Variants in ERP44 observed in about 807,000 individuals in gnomAD.
The protein encoded by ERP44 is endoplasmic reticulum protein 44.
In ERP44, 25 loss-of-function variants were observed where a neutral mutation model predicts 53.4. The observed-to-expected ratio is 0.47, with a 90% CI of 0.34 to 0.65. ERP44 has a LOEUF of 0.65. ERP44 is among the 30% of genes least tolerant of loss of function. The pLI is 0.01. For synonymous variants in ERP44, 145 were observed against 161.2 expected (o/e 0.90, Z 0.76); for missense variants, 338 against 493.2 (o/e 0.69, Z 2.98).
chr9:100,032,894 G>T lies in ERP44; in HGVS notation c.287-10668C>A, dbSNP rs1313860750. 2.0e-5 allele frequency among the ~76,000 whole-genome samples: 3 copies of T among 152,208 alleles called. No individual in the cohort carries two copies. The East Asian group carries it at 5.8e-4, about 29-fold the overall frequency. On this transcript the variant is annotated intron_variant, in intron 4 of 11. Coordinates refer to ENST00000262455, the MANE Select transcript of ERP44 (RefSeq NM_015051.3). ...GAGCTGAAATGTTCGTGACTATTAA[G>T]CAAGACAGGTATTAACCACATGGAC...
intron 1 of ERP44, among the ~76,000 whole-genome samples, chr9:100,081,822 C>A (rs1250936387): frequency 6.6e-6 from 1 of 151,996 alleles, no homozygotes. Context: ...CAAGACAAAG[C>A]AATTAGGAAA....
chr9:100,091,376 T>C (rs1310811552), intron 1 of ERP44, among the ~76,000 whole-genome samples: 1 of 152,184 alleles, frequency 6.6e-6, no homozygotes, highest in African/African-American at 2.4e-5. Flanking sequence ...CCCTCTTGAA[T>C]GGACTAATCT....
chr9:100,082,411 A>G (rs1826437019), intron 1 of ERP44, among the ~76,000 whole-genome samples: 1 of 151,608 alleles, frequency 6.6e-6, no homozygotes, highest in South Asian at 2.1e-4. Context: ...TATATGCAGA[A>G]AAAAGGAACT....
At chr9:100,063,870 G>A (rs910750669) in intron 1 of ERP44, among the ~76,000 whole-genome samples, 3 of 152,128 alleles carry the variant, frequency 2.0e-5, no homozygotes, top group African/African-American at 7.2e-5. Flanking sequence ...ACTCCTCCAT[G>A]CATTTACTGT....
chr9:100,095,259 A>G (rs1014213149), intron 1 of ERP44, among the ~76,000 whole-genome samples: 5 of 152,304 alleles, frequency 3.3e-5, no homozygotes, highest in African/African-American at 9.6e-5. Context: ...CCCCACAAGG[A>G]TGCAATCAGC....
Position 100,067,523 on chromosome 9 carries a change from C to T in ERP44, c.58-7351G>A, listed in dbSNP as rs1396858877. On this transcript the variant is annotated intron_variant, in intron 1 of 11. Coordinates refer to ENST00000262455, the MANE Select transcript of ERP44 (RefSeq NM_015051.3). ...TGGTGCCCAGGCTGGAGTGCAGTGG[C>T]GTGATCTCGGCTCGCCACAACCTCC... 2.0e-5 allele frequency among the ~76,000 whole-genome samples: 3 copies of T among 152,194 alleles called. No homozygotes were observed. The South Asian group carries it at 6.2e-4, about 31-fold the overall frequency.
chr9:100,076,580 T>G (rs576565729), intron 1 of ERP44, among the ~76,000 whole-genome samples: 1 of 152,356 alleles, frequency 6.6e-6, no homozygotes, highest in East Asian at 1.9e-4. Context: ...TACCTGGCTG[T>G]GCACTTTGCA....
intron 1 of ERP44, among the ~76,000 whole-genome samples, chr9:100,064,741 C>T (rs1826191354): frequency 6.6e-6 from 1 of 152,152 alleles, no homozygotes; most frequent in Non-Finnish European, 1.5e-5. Flanking sequence ...TTCCTGGAGC[C>T]TCTTGATGTC....
chr9:100,048,937 G>C (rs141929210), intron 4 of ERP44, among the ~76,000 whole-genome samples: 5 of 152,220 alleles, frequency 3.3e-5, no homozygotes, highest in East Asian at 3.9e-4. Context: ...CTGGAGACTG[G>C]TTGCACAACA....
chr9:100,017,838 A>G (rs1830540184), intron 7 of ERP44, among the ~76,000 whole-genome samples: 1 of 152,200 alleles, frequency 6.6e-6, no homozygotes, highest in South Asian at 2.1e-4. Flanking sequence ...GCTCCTTATT[A>G]TCTGGCAGGT....
intron 1 of ERP44, among the ~76,000 whole-genome samples, chr9:100,093,400 T>C (rs1217420669): frequency 6.6e-6 from 1 of 152,162 alleles, no homozygotes; most frequent in African/African-American, 2.4e-5. Flanking sequence ...TACCAGAACT[T>C]TGGGAGGCCA....
At chr9:100,012,717 A>G (rs1830487823) in intron 8 of ERP44, among the ~76,000 whole-genome samples, 1 of 152,224 alleles carries the variant, frequency 6.6e-6, no homozygotes, top group Non-Finnish European at 1.5e-5. Flanking sequence ...AGGTAAAAAA[A>G]AGTCTTTTAA....
chr9:100,011,137 T>G (rs778431105), intron 8 of ERP44, among the ~76,000 whole-genome samples: 3 of 152,148 alleles, frequency 2.0e-5, no homozygotes, highest in Non-Finnish European at 4.4e-5. Flanking sequence ...AACTATTCTA[T>G]TAATAAATTC....
rs550378305 is a variant in ERP44, at chr9:99,999,679, G to A, written c.1016+6827C>T. Reference sequence around the variant, plus strand: ...TCCTTCACTGTGCAGAAACTTTTTAGTTTGACGTAATCCAATTTTTCTATT... The same window carrying A: ...TCCTTCACTGTGCAGAAACTTTTTAATTTGACGTAATCCAATTTTTCTATT... On this transcript the variant is annotated intron_variant, in intron 10 of 11. Transcript: ENST00000262455. Among the ~76,000 whole-genome samples, 128 of 151,994 alleles carry A rather than the reference G, an allele frequency of 8.4e-4. 2 individuals carry two copies. Among genetic ancestry groups the A allele is most frequent in the Middle Eastern group, 3.4e-3 (1 of 294 alleles).
intron 1 of ERP44, among the ~76,000 whole-genome samples, chr9:100,080,441 C>G (rs916061674): frequency 6.6e-6 from 1 of 152,076 alleles, no homozygotes; most frequent in Non-Finnish European, 1.5e-5. Context: ...CATGGCAGTC[C>G]TCAGATGAGA....
intron 2 of ERP44, among the ~76,000 whole-genome samples, chr9:100,059,312 T>C (rs1464961212): frequency 1.3e-5 from 2 of 152,218 alleles, no homozygotes; most frequent in East Asian, 3.8e-4. Flanking sequence ...TTTCCTTTAC[T>C]ATTTTTAAAA....
chr9:100,090,606 G>A (rs1236764681), intron 1 of ERP44, among the ~76,000 whole-genome samples: 3 of 151,894 alleles, frequency 2.0e-5, no homozygotes, highest in Admixed American at 1.3e-4. Context: ...AAAATTAGCC[G>A]GGCATGGTGG....
chr9:100,096,660 C>T (rs1484589431), intron 1 of ERP44, among the ~76,000 whole-genome samples: 2 of 152,040 alleles, frequency 1.3e-5, no homozygotes, highest in Non-Finnish European at 2.9e-5. Flanking sequence ...AGAAAATTAT[C>T]ATAGTAAGAG....
chr9:100,020,173 A>G (rs535452079), intron 6 of ERP44, among the ~76,000 whole-genome samples: 3 of 152,328 alleles, frequency 2.0e-5, no homozygotes, highest in Admixed American at 1.3e-4. Context: ...GGTTAGCCTT[A>G]GAAAGAATTG....
Sources: allele counts gnomAD v4.1 joint callset (sites outside exome capture counted in the v4.1 genomes callset), GRCh38; gene constraint gnomAD v4.1.1; transcripts MANE v1.5; gene names NCBI Gene and HGNC (gene_info 2026-07-23, HGNC 2026-07-21).